Variants in RALGAPA2 observed in about 807,000 individuals in gnomAD.
RALGAPA2 encodes Ral GTPase activating protein catalytic subunit alpha 2.
A neutral mutation model predicts 230.4 loss-of-function variants in RALGAPA2; 139 were observed. The observed-to-expected ratio is 0.60, with a 90% confidence interval of 0.53 to 0.69. The LOEUF (loss-of-function observed/expected upper bound fraction) is 0.69. RALGAPA2 is among the 30% of genes least tolerant of loss of function. The pLI, the probability that RALGAPA2 is intolerant of heterozygous loss-of-function variation, is 0.00. For missense variants in RALGAPA2, 2,163 were observed against 2,276.0 expected (o/e 0.95, Z 1.01); for synonymous variants, 847 against 837.8 (o/e 1.01, Z -0.19).
chr20:20,620,024 T>C (rs2066272646), intron 11 of RALGAPA2, among the ~76,000 whole-genome samples: 1 of 152,200 alleles, frequency 6.6e-6, no homozygotes, highest in Non-Finnish European at 1.5e-5. Flanking sequence ...TGGTTAGTCC[T>C]TTCACAGGGG....
intron 24 of RALGAPA2, among the ~76,000 whole-genome samples, chr20:20,540,856 T>C (rs1445448694): frequency 6.6e-6 from 1 of 152,022 alleles, no homozygotes; most frequent in East Asian, 1.9e-4. Flanking sequence ...TTGATCCTTA[T>C]CAATATGTTT....
At chr20:20,624,950 G>A (rs1307381685) in intron 10 of RALGAPA2, among the ~76,000 whole-genome samples, 1 of 151,998 alleles carries the variant, frequency 6.6e-6, no homozygotes, top group Non-Finnish European at 1.5e-5. Flanking sequence ...CCCACCCCAG[G>A]CACTTTTCCA....
chr20:20,517,621 C>T (rs938731926), intron 31 of RALGAPA2, among the ~76,000 whole-genome samples: 1 of 152,070 alleles, frequency 6.6e-6, no homozygotes, highest in African/African-American at 2.4e-5. Context: ...TCCAATTCCA[C>T]AGGAGACAAT....
chr20:20,621,765 A>G (rs2146355235), intron 10 of RALGAPA2, among the ~76,000 whole-genome samples: 1 of 152,374 alleles, frequency 6.6e-6, no homozygotes, highest in South Asian at 2.1e-4. Flanking sequence ...CTTTTCGCTT[A>G]TCAGTTTTAA....
intron 38 of RALGAPA2, among the ~76,000 whole-genome samples, chr20:20,403,552 T>C (rs1484554491): frequency 6.6e-6 from 1 of 152,162 alleles, no homozygotes; most frequent in Non-Finnish European, 1.5e-5. Flanking sequence ...TGGTGATCTA[T>C]TTCCTCTGGG....
intron 20 of RALGAPA2, among the ~76,000 whole-genome samples, chr20:20,576,237 T>C (rs2064816270): frequency 6.6e-6 from 1 of 152,130 alleles, no homozygotes; most frequent in Non-Finnish European, 1.5e-5. Flanking sequence ...AACAAACCAA[T>C]ACTAAAAGAT....
intron 14 of RALGAPA2, among the ~76,000 whole-genome samples, chr20:20,609,716 G>C (rs2065921340): frequency 2.6e-5 from 4 of 152,230 alleles, no homozygotes; most frequent in Admixed American, 1.3e-4. Context: ...CCCAGGTCCA[G>C]GACGGGGAGC....
intron 35 of RALGAPA2, among the ~76,000 whole-genome samples, chr20:20,501,716 G>A (rs1215576559): frequency 6.6e-6 from 1 of 152,160 alleles, no homozygotes; most frequent in Non-Finnish European, 1.5e-5. Context: ...AAGAGGTCTA[G>A]CTTTTGCCCT....
intron 37 of RALGAPA2, among the ~76,000 whole-genome samples, chr20:20,439,603 C>T (rs533258322): frequency 2.0e-5 from 3 of 152,300 alleles, no homozygotes; most frequent in Non-Finnish European, 4.4e-5. Context: ...ATGATAGATA[C>T]CGATCCTGGG....
chr20:20,686,953 T>C (rs1416351033), intron 1 of RALGAPA2, among the ~76,000 whole-genome samples: 1 of 152,116 alleles, frequency 6.6e-6, no homozygotes, highest in Non-Finnish European at 1.5e-5. Flanking sequence ...TCTCCTCTAA[T>C]AGGGAATGAC....
chr20:20,498,006 T>C (rs1249007415), intron 35 of RALGAPA2, among the ~76,000 whole-genome samples: 8 of 152,038 alleles, frequency 5.3e-5, no homozygotes, highest in Admixed American at 2.6e-4. Flanking sequence ...AGAAAACAGG[T>C]AGGTAAAATA....
intron 37 of RALGAPA2, among the ~76,000 whole-genome samples, chr20:20,436,532 G>A (rs1028407083): frequency 6.6e-6 from 1 of 152,150 alleles, no homozygotes; most frequent in Non-Finnish European, 1.5e-5. Flanking sequence ...GAGTAAGACG[G>A]CAAAGTGTCC....
At chr20:20,695,209 A>G (rs2069064665) in intron 1 of RALGAPA2, among the ~76,000 whole-genome samples, 1 of 152,168 alleles carries the variant, frequency 6.6e-6, no homozygotes, top group Non-Finnish European at 1.5e-5. Flanking sequence ...TCTCTATCCA[A>G]CTTTTAAATT....
chr20:20,511,441 A>G (rs2062702051), intron 32 of RALGAPA2, 116 bp from the exon 33 acceptor site: 1 of 1,418,716 alleles, frequency 7.0e-7, no homozygotes, highest in Non-Finnish European at 9.2e-7. Context: ...CTCACTCACA[A>G]AAGATTTGTG....
chr20:20,562,306 T>C (rs2064280629), intron 23 of RALGAPA2, among the ~76,000 whole-genome samples: 1 of 152,168 alleles, frequency 6.6e-6, no homozygotes, highest in African/African-American at 2.4e-5. Flanking sequence ...CTGGGCTCTG[T>C]GACAGGCCAC....
intron 23 of RALGAPA2, among the ~76,000 whole-genome samples, chr20:20,566,061 C>T (rs897813490): frequency 6.6e-6 from 1 of 152,226 alleles, no homozygotes; most frequent in Non-Finnish European, 1.5e-5. Flanking sequence ...GCAGAGCCCA[C>T]TGTCTGCTCA....
chr20:20,499,181 T>TAA (rs2062300188), intron 35 of RALGAPA2, among the ~76,000 whole-genome samples: 2 of 152,156 alleles, frequency 1.3e-5, no homozygotes, highest in Non-Finnish European at 1.5e-5. Context: ...TAAAGAGAGT[T>TAA]TATCACTAAT....
At position 20,681,044 on chromosome 20, in the gene RALGAPA2, C is replaced by G. The variant is rs181555323; in HGVS notation, c.107-243G>C. On this transcript the variant is annotated intron_variant, in intron 1 of 39. Transcript: ENST00000202677. ...TGGAGCCAATTCAGGGAGGTCGGAG[C>G]TGACAGGAGCCAGCAACAACGGACC... 7.7e-4 allele frequency among the ~76,000 whole-genome samples: 117 copies of G among 152,316 alleles called. 1 individual carries two copies. Among genetic ancestry groups the G allele is most frequent in the African/African-American group, 2.7e-3 (114 of 41,568 alleles).
intron 23 of RALGAPA2, among the ~76,000 whole-genome samples, chr20:20,564,184 A>G: frequency 6.6e-6 from 1 of 152,290 alleles, no homozygotes; most frequent in East Asian, 1.9e-4. Flanking sequence ...TGGATTCATG[A>G]CCATATATTA....
Sources: allele counts gnomAD v4.1 joint callset (sites outside exome capture counted in the v4.1 genomes callset), GRCh38; gene constraint gnomAD v4.1.1; transcripts MANE v1.5; gene names NCBI Gene and HGNC (gene_info 2026-07-23, HGNC 2026-07-21).